Variants in SPOP observed in about 807,000 individuals in gnomAD.
SPOP encodes the protein speckle-type POZ protein.
A neutral mutation model predicts 45.6 loss-of-function variants in SPOP; 11 were observed. That is an observed-to-expected ratio of 0.24 (90% CI 0.15 to 0.40). SPOP has a LOEUF of 0.40. Among genes scored for constraint, SPOP ranks in the 10% least tolerant of loss-of-function variants. The pLI is 1.00. For missense variants in SPOP, 152 were observed against 465.6 expected, an observed-to-expected ratio of 0.33 and a Z score of 6.20; for synonymous variants, 166 against 166.3, an observed-to-expected ratio of 1.00 and a Z score of 0.01.
intron 6 of SPOP, among the ~76,000 whole-genome samples, chr17:49,610,698 G>C (rs892814681): frequency 6.6e-6 from 1 of 152,208 alleles, no homozygotes; most frequent in African/African-American, 2.4e-5. Context: ...GGTCTTAAGA[G>C]AAGTATACGG....
intron 1 of SPOP, among the ~76,000 whole-genome samples, chr17:49,665,218 G>T (rs2073037133): frequency 6.6e-6 from 1 of 152,064 alleles, no homozygotes; most frequent in South Asian, 2.1e-4. Context: ...CAAAACAAGT[G>T]ATCAGTTACT....
At chr17:49,668,261 TTTA>T (rs747326097) in intron 1 of SPOP, among the ~76,000 whole-genome samples, 2 of 152,188 alleles carry the variant, frequency 1.3e-5, no homozygotes, top group East Asian at 3.8e-4. Context: ...AAAAAGATTG[TTTA>T]TTATGTGTAA....
chr17:49,632,752 G>A (rs929422965), intron 1 of SPOP, among the ~76,000 whole-genome samples: 2 of 152,136 alleles, frequency 1.3e-5, no homozygotes, highest in Non-Finnish European at 2.9e-5. Flanking sequence ...TTACAGGCGT[G>A]AGCCACTACG....
chr17:49,660,326 G>A (rs2072970493), intron 1 of SPOP, among the ~76,000 whole-genome samples: 1 of 152,130 alleles, frequency 6.6e-6, no homozygotes, highest in Non-Finnish European at 1.5e-5. Context: ...ATCTTCTACA[G>A]ATATTTACTC....
chr17:49,658,989 T>A (rs2072951459), intron 1 of SPOP, among the ~76,000 whole-genome samples: 1 of 151,920 alleles, frequency 6.6e-6, no homozygotes. Context: ...AGAGTTAAAA[T>A]GAGAAAATAA....
chr17:49,623,127 G>A (rs1054887570), intron 1 of SPOP, among the ~76,000 whole-genome samples: 1 of 151,940 alleles, frequency 6.6e-6, no homozygotes, highest in African/African-American at 2.4e-5. Flanking sequence ...TCCTGCCTAA[G>A]CCTCCCGAGT....
chr17:49,603,605 A>G (rs1379208773), intron 8 of SPOP, among the ~76,000 whole-genome samples: 1 of 152,216 alleles, frequency 6.6e-6, no homozygotes, highest in Non-Finnish European at 1.5e-5. Flanking sequence ...GGAAAAGCTT[A>G]AGAGAAGCTG....
At position 49,627,139 on chromosome 17, in the gene SPOP, A is replaced by G. The variant is rs374337559; in HGVS notation, c.-66-4263T>C. The stretch of plus-strand genomic sequence containing the variant: ...GCTGGGATTACAGGCATGAGCCACC[A>G]CGCCCGGCCAGGAATTTACAATTAA... On this transcript the variant is annotated intron_variant, in intron 1 of 9. Transcript: ENST00000504102. 9.1e-4 allele frequency among the ~76,000 whole-genome samples: 139 copies of G among 152,300 alleles called. 1 individual carries two copies. Among genetic ancestry groups the G allele is most frequent in the African/African-American group, 2.7e-3 (112 of 41,564 alleles).
At chr17:49,618,834 G>T in intron 5 of SPOP, 147 bp downstream of exon 5, 3 of 1,010,132 alleles carry the variant, frequency 3.0e-6, no homozygotes, top group Non-Finnish European at 4.3e-6. Context: ...TCATCAGGTA[G>T]CTCAATCAGT....
chr17:49,633,795 T>G (rs942889125), intron 1 of SPOP, among the ~76,000 whole-genome samples: 4 of 152,094 alleles, frequency 2.6e-5, no homozygotes, highest in Admixed American at 2.6e-4. Context: ...TGAATTTTTG[T>G]TTTACTTTTA....
intron 1 of SPOP, among the ~76,000 whole-genome samples, chr17:49,638,704 A>C (rs1382775936): frequency 1.3e-5 from 2 of 152,196 alleles, no homozygotes; most frequent in Non-Finnish European, 2.9e-5. Context: ...AGTTACTATC[A>C]GTGATCAAAT....
intron 1 of SPOP, among the ~76,000 whole-genome samples, chr17:49,662,162 C>G (rs7211112): frequency 0.27 from 41,407 of 151,706 alleles, 5,723 homozygotes; most frequent in East Asian, 0.36. Flanking sequence ...TCTAGAAAGG[C>G]AGGACCTGCC....
chr17:49,650,450 C>G (rs2072827777), intron 1 of SPOP, among the ~76,000 whole-genome samples: 1 of 151,854 alleles, frequency 6.6e-6, no homozygotes, highest in Non-Finnish European at 1.5e-5. Context: ...CATGATGGTG[C>G]ACGCCTATAG....
chr17:49,656,692 T>C (rs528970960), intron 1 of SPOP, among the ~76,000 whole-genome samples: 1 of 152,348 alleles, frequency 6.6e-6, no homozygotes, highest in South Asian at 2.1e-4. Context: ...AAATTCCTAG[T>C]GTCACTTTCT....
chr17:49,635,024 A>G (rs1435194682), intron 1 of SPOP, among the ~76,000 whole-genome samples: 1 of 152,166 alleles, frequency 6.6e-6, no homozygotes, highest in Non-Finnish European at 1.5e-5. Flanking sequence ...TCCAACTTTA[A>G]AAGAGAAGGG....
At chr17:49,637,478 G>A (rs1409526847) in intron 1 of SPOP, among the ~76,000 whole-genome samples, 6 of 152,090 alleles carry the variant, frequency 3.9e-5, no homozygotes, top group Non-Finnish European at 8.8e-5. Flanking sequence ...AGCCTCCCAA[G>A]TAGGTGGGAT....
chr17:49,650,534 C>G (rs1278074279), intron 1 of SPOP, among the ~76,000 whole-genome samples: 4 of 152,036 alleles, frequency 2.6e-5, no homozygotes, highest in Non-Finnish European at 4.4e-5. Context: ...GAGCCAAGCT[C>G]GTGCCACTGC....
intron 1 of SPOP, among the ~76,000 whole-genome samples, chr17:49,669,493 A>G (rs1338879526): frequency 6.8e-6 from 1 of 147,674 alleles, no homozygotes; most frequent in Non-Finnish European, 1.5e-5. Flanking sequence ...AAGACCAGGC[A>G]TGGTGGCTCA....
intron 1 of SPOP, among the ~76,000 whole-genome samples, chr17:49,661,954 G>A (rs1408684514): frequency 1.3e-5 from 2 of 150,960 alleles, no homozygotes; most frequent in Non-Finnish European, 2.9e-5. Flanking sequence ...CGGAGGTTGC[G>A]GTGAGCCGAA....
Sources: allele counts gnomAD v4.1 joint callset (sites outside exome capture counted in the v4.1 genomes callset), GRCh38; gene constraint gnomAD v4.1.1; transcripts MANE v1.5; gene names NCBI Gene and HGNC (gene_info 2026-07-23, HGNC 2026-07-21).